Variants in EXOC6B observed in about 807,000 individuals in gnomAD.
The protein encoded by EXOC6B is exocyst complex component 6B, also known as SEC15 homolog B.
Under a neutral mutation model 113.5 loss-of-function variants are expected in EXOC6B, and 54 were observed. The observed-to-expected ratio is 0.48, with a 90% CI of 0.38 to 0.60. The LOEUF is 0.60. Ranked by LOEUF, EXOC6B falls within the 20% of genes least tolerant of loss-of-function variation. The probability of loss-of-function intolerance (pLI) is 0.00; values close to 1 mark genes in which losing one functional copy is unlikely to be tolerated. For synonymous variants in EXOC6B, 357 were observed against 339.0 expected (o/e 1.05, Z -0.58); for missense variants, 797 against 977.5 (o/e 0.82, Z 2.46).
rs571872404 is a variant in EXOC6B at position 72,561,860 on chromosome 2, T to C, written c.847-2339A>G. On this transcript the variant is annotated intron_variant, in intron 7 of 21. Transcript: ENST00000272427. ...GCTAAAGTGCTCTCACTTGTAAGTA[T>C]TGTCTCTTATTTCTTAGCCACTGGA... Among the ~76,000 whole-genome samples the C allele has an allele frequency of 2.0e-5, 3 of 152,270 alleles. No individual in the cohort carries two copies. The East Asian group carries it at 5.8e-4, about 29-fold the overall frequency.
intron 20 of EXOC6B, among the ~76,000 whole-genome samples, chr2:72,280,376 T>A (rs969957071): frequency 3.3e-5 from 5 of 152,146 alleles, no homozygotes; most frequent in African/African-American, 1.2e-4. Flanking sequence ...AATGTCAAGA[T>A]AACACAGATG....
At chr2:72,622,262 C>T (rs1206100283) in intron 6 of EXOC6B, among the ~76,000 whole-genome samples, 2 of 150,252 alleles carry the variant, frequency 1.3e-5, no homozygotes, top group Admixed American at 6.6e-5. Context: ...AGCCCCACCC[C>T]AGATCAACTT....
At chr2:72,243,180 T>C (rs1299071199) in intron 20 of EXOC6B, among the ~76,000 whole-genome samples, 1 of 152,140 alleles carries the variant, frequency 6.6e-6, no homozygotes, top group African/African-American at 2.4e-5. Context: ...TTACAATCAG[T>C]GTGGCACTTC....
intron 18 of EXOC6B, among the ~76,000 whole-genome samples, chr2:72,428,524 G>A (rs1024390391): frequency 2.6e-5 from 4 of 152,200 alleles, no homozygotes; most frequent in Non-Finnish European, 5.9e-5. Context: ...ACTGCACAGT[G>A]GCTGGACCCC....
intron 6 of EXOC6B, among the ~76,000 whole-genome samples, chr2:72,666,408 C>T (rs898807945): frequency 6.6e-6 from 1 of 152,100 alleles, no homozygotes; most frequent in Non-Finnish European, 1.5e-5. Context: ...TGGCAAGACT[C>T]AATTAATTTA....
chr2:72,734,551 C>G (rs1277094341), intron 2 of EXOC6B, among the ~76,000 whole-genome samples: 1 of 152,116 alleles, frequency 6.6e-6, no homozygotes, highest in Non-Finnish European at 1.5e-5. Context: ...TCAACTCTAC[C>G]TCTGTAGCAG....
intron 6 of EXOC6B, among the ~76,000 whole-genome samples, chr2:72,579,243 T>C (rs536334741): frequency 2.0e-5 from 3 of 152,048 alleles, no homozygotes; most frequent in African/African-American, 7.2e-5. Context: ...TTCCAAGCAA[T>C]AGGAACCATG....
chr2:72,796,259 C>T (rs1684943007), intron 1 of EXOC6B, among the ~76,000 whole-genome samples: 1 of 151,456 alleles, frequency 6.6e-6, no homozygotes, highest in East Asian at 2.0e-4. Flanking sequence ...TCAAGACCAG[C>T]CTGGCCAATG....
chr2:72,247,126 A>G (rs1375768292), intron 20 of EXOC6B, among the ~76,000 whole-genome samples: 1 of 152,220 alleles, frequency 6.6e-6, no homozygotes, highest in East Asian at 1.9e-4. Context: ...TATAAGGCAA[A>G]TATCTTTTAT....
intron 6 of EXOC6B, among the ~76,000 whole-genome samples, chr2:72,686,999 G>A (rs892862111): frequency 3.3e-5 from 5 of 151,922 alleles, no homozygotes; most frequent in African/African-American, 9.7e-5. Context: ...TTAGCCGGGC[G>A]TGGTGGCGGG....
intron 8 of EXOC6B, among the ~76,000 whole-genome samples, chr2:72,540,350 G>A (rs1240836129): frequency 6.6e-6 from 1 of 151,940 alleles, no homozygotes; most frequent in East Asian, 1.9e-4. Context: ...AAATTATAAG[G>A]AGAGTACCAA....
chr2:72,305,368 A>ATATGTATATGTG lies in EXOC6B; in HGVS notation c.2196+29578_2196+29579insCACATATACATA, dbSNP rs1349586257. Among the ~76,000 whole-genome samples the ATATGTATATGTG allele has an allele frequency of 1.1e-4, 16 of 148,952 alleles. 1 individual carries two copies. The highest frequency in any genetic ancestry group is 2.0e-4 in the Admixed American group (3 of 14,898). Reference sequence around the variant, plus strand: ...TATATGTATATGTATATGTATATGTATATGTGTATGTATATGAATGAGATT... The same window carrying ATATGTATATGTG: ...TATATGTATATGTATATGTATATGTATATGTATATGTGTATGTGTATGTATATGAATGAGATT... On this transcript the variant is annotated intron_variant, in intron 20 of 21. Transcript: ENST00000272427.
intron 20 of EXOC6B, among the ~76,000 whole-genome samples, chr2:72,299,337 G>A (rs1170530451): frequency 1.3e-5 from 2 of 151,770 alleles, no homozygotes; most frequent in East Asian, 2.0e-4. Context: ...AGCTCCATCA[G>A]TTCATTTATG....
intron 1 of EXOC6B, among the ~76,000 whole-genome samples, chr2:72,753,135 G>A (rs1454108489): frequency 2.6e-5 from 4 of 152,018 alleles, no homozygotes; most frequent in Admixed American, 2.6e-4. Flanking sequence ...GCTGGGCATG[G>A]TGGCATGTAC....
intron 1 of EXOC6B, among the ~76,000 whole-genome samples, chr2:72,767,200 C>T (rs1246492883): frequency 6.6e-6 from 1 of 151,928 alleles, no homozygotes; most frequent in Admixed American, 6.6e-5. Context: ...AAGGCCGAGG[C>T]GGGTGTATCA....
At chr2:72,553,918 G>T (rs1315516470) in intron 8 of EXOC6B, among the ~76,000 whole-genome samples, 1 of 152,104 alleles carries the variant, frequency 6.6e-6, no homozygotes, top group Non-Finnish European at 1.5e-5. Context: ...TGCTAAAATT[G>T]AAGCAAGCAC....
At chr2:72,338,380 G>A (rs754280824) in intron 19 of EXOC6B, among the ~76,000 whole-genome samples, 1 of 152,068 alleles carries the variant, frequency 6.6e-6, no homozygotes. Flanking sequence ...CTCAAAAAAG[G>A]TTAAGAAACA....
intron 18 of EXOC6B, among the ~76,000 whole-genome samples, chr2:72,436,078 T>A (rs1053012147): frequency 3.3e-5 from 5 of 152,220 alleles, no homozygotes; most frequent in Non-Finnish European, 5.9e-5. Context: ...CAGGAGCTCT[T>A]GTAAGGCTGG....
At chr2:72,700,628 C>G (rs1258253709) in intron 6 of EXOC6B, among the ~76,000 whole-genome samples, 1 of 152,140 alleles carries the variant, frequency 6.6e-6, no homozygotes, top group African/African-American at 2.4e-5. Context: ...ACTGCACAAC[C>G]ATGTGAATGT....
Sources: gnomAD v4.1 joint callset for allele counts (sites outside exome capture counted in the v4.1 genomes callset) on GRCh38, gnomAD v4.1.1 for gene constraint, MANE v1.5 for transcripts, NCBI Gene and HGNC (gene_info 2026-07-23, HGNC 2026-07-21) for gene names.